Variants in ASTN2 observed in about 807,000 individuals in gnomAD.
ASTN2 encodes the protein astrotactin-2.
A neutral mutation model predicts 139.8 loss-of-function variants in ASTN2; 54 were observed. That is an observed-to-expected ratio of 0.39 (90% CI 0.31 to 0.48). ASTN2 has a LOEUF of 0.48. ASTN2 is among the 20% of genes least tolerant of loss of function. The pLI is 0.95. For synonymous variants in ASTN2, 756 were observed against 719.5 expected (o/e 1.05, Z -0.81); for missense variants, 1,565 against 1,725.1 (o/e 0.91, Z 1.64).
chr9:116,933,842 T>G (rs1834980771), intron 10 of ASTN2, among the ~76,000 whole-genome samples: 1 of 152,058 alleles, frequency 6.6e-6, no homozygotes, highest in South Asian at 2.1e-4. Flanking sequence ...TGGACTGCTC[T>G]GTCTTCTGGC....
At chr9:116,980,281 G>T (rs1260184331) in intron 7 of ASTN2, among the ~76,000 whole-genome samples, 1 of 151,914 alleles carries the variant, frequency 6.6e-6, no homozygotes, top group Non-Finnish European at 1.5e-5. Context: ...TGGTTGAGGT[G>T]ACAATTAGCT....
intron 19 of ASTN2, among the ~76,000 whole-genome samples, chr9:116,561,707 T>A (rs1239930932): frequency 6.6e-6 from 1 of 152,182 alleles, no homozygotes; most frequent in Admixed American, 6.5e-5. Context: ...CCTATGAGTA[T>A]CAAGCTGCAT....
intron 17 of ASTN2, among the ~76,000 whole-genome samples, chr9:116,646,659 T>C (rs1294600283): frequency 1.3e-5 from 2 of 152,168 alleles, no homozygotes; most frequent in African/African-American, 2.4e-5. Context: ...CATGACACTT[T>C]AAACAGGCCT....
At chr9:116,858,977 G>T (rs867486603) in intron 11 of ASTN2, among the ~76,000 whole-genome samples, 1 of 152,110 alleles carries the variant, frequency 6.6e-6, no homozygotes, top group South Asian at 2.1e-4. Context: ...TAAAATTTAG[G>T]TGTTGGCAGG....
In ASTN2 at chr9:116,442,459, C is replaced by T. The variant is rs142251161; in HGVS notation, c.3592G>A (p.Ala1198Thr). Residue 1198 changes from alanine to threonine, a missense_variant, in exon 21 of 23, where the codon GCA becomes ACA. Coordinates refer to ENST00000313400, the MANE Select transcript of ASTN2 (RefSeq NM_001365068.1). ...TACPLVDDNK[A>T]EEIADKIYNL... ...GAAAAACTGGGTTACCTACCTTCTG[C>T]CTTGTTGTCATCTACCAGTGGACAG... 61 of 1,613,908 alleles carry T rather than the reference C, an allele frequency of 3.8e-5. No individual in the cohort carries two copies. The highest frequency in any genetic ancestry group is 4.7e-5 in the Non-Finnish European group (56 of 1,179,974).
At chr9:116,616,877 TACAA>T (rs1252392658) in intron 19 of ASTN2, among the ~76,000 whole-genome samples, 2 of 151,958 alleles carry the variant, frequency 1.3e-5, no homozygotes, top group African/African-American at 4.8e-5. Context: ...TACAGATAAA[TACAA>T]ACACACAGAC....
rs1028236568 is a variant in ASTN2 at position 116,988,020 on chromosome 9, A to C, written c.1592-11235T>G. Among the ~76,000 whole-genome samples the C allele has an allele frequency of 3.3e-5, 5 of 152,214 alleles. No individual in the cohort carries two copies. The East Asian group carries it at 5.8e-4, about 18-fold the overall frequency. Reference sequence around the variant, plus strand: ...GAATGCAGCCCAATTTAAAAGTTATAAATTGTTTACTTCTGGTATTTTCCA... The same window carrying C: ...GAATGCAGCCCAATTTAAAAGTTATCAATTGTTTACTTCTGGTATTTTCCA... On this transcript the variant is annotated intron_variant, in intron 7 of 22. Coordinates refer to ENST00000313400, the MANE Select transcript of ASTN2 (RefSeq NM_001365068.1).
chr9:117,275,729 C>T (rs1587901913), intron 2 of ASTN2, among the ~76,000 whole-genome samples: 1 of 152,154 alleles, frequency 6.6e-6, no homozygotes, highest in East Asian at 1.9e-4. Flanking sequence ...CCATGCCTGG[C>T]TAATTTTTGT....
At chr9:116,952,199 C>A (rs188997802) in intron 10 of ASTN2, among the ~76,000 whole-genome samples, 5 of 152,190 alleles carry the variant, frequency 3.3e-5, no homozygotes, top group African/African-American at 9.6e-5. Context: ...ACCACCACCA[C>A]GACTTTATGA....
chr9:117,191,875 C>T (rs1831357767), intron 3 of ASTN2, among the ~76,000 whole-genome samples: 1 of 152,030 alleles, frequency 6.6e-6, no homozygotes, highest in Admixed American at 6.6e-5. Flanking sequence ...GCAAGGGTCC[C>T]CAGAGATAAA....
intron 17 of ASTN2, among the ~76,000 whole-genome samples, chr9:116,632,651 CTG>C (rs1229213700): frequency 6.6e-6 from 1 of 152,204 alleles, no homozygotes; most frequent in Non-Finnish European, 1.5e-5. Context: ...TTTTATGTCA[CTG>C]TATCTTTGTA....
chr9:116,946,936 C>CAA (rs3983292), intron 10 of ASTN2, among the ~76,000 whole-genome samples: 7,223 of 127,866 alleles, frequency 0.056, 323 homozygotes, highest in Middle Eastern at 0.076. Flanking sequence ...ACATTTTTGT[C>CAA]AAAAAAAAAA....
chr9:117,255,927 G>C (rs1281910045), intron 2 of ASTN2, among the ~76,000 whole-genome samples: 2 of 152,180 alleles, frequency 1.3e-5, no homozygotes, highest in Non-Finnish European at 2.9e-5. Flanking sequence ...ACTTATGGCA[G>C]GAAAACTTAC....
At chr9:116,977,358 T>C (rs1836370778) in intron 7 of ASTN2, among the ~76,000 whole-genome samples, 2 of 151,948 alleles carry the variant, frequency 1.3e-5, no homozygotes, top group Non-Finnish European at 2.9e-5. Flanking sequence ...TCCCCTTCCT[T>C]CTACTGCCAT....
intron 3 of ASTN2, among the ~76,000 whole-genome samples, chr9:117,167,482 A>G (rs929565583): frequency 2.6e-5 from 4 of 152,078 alleles, no homozygotes; most frequent in African/African-American, 7.2e-5. Flanking sequence ...ATGCCACACT[A>G]AGGAAATGAG....
chr9:116,942,743 T>G (rs974723142), intron 10 of ASTN2, among the ~76,000 whole-genome samples: 1 of 152,168 alleles, frequency 6.6e-6, no homozygotes, highest in Non-Finnish European at 1.5e-5. Context: ...CATTTCTAGA[T>G]GACTTTCAGA....
intron 1 of ASTN2, among the ~76,000 whole-genome samples, chr9:117,409,944 C>T (rs1453876025): frequency 6.6e-6 from 1 of 152,184 alleles, no homozygotes; most frequent in Non-Finnish European, 1.5e-5. Flanking sequence ...TCTTCCAGGC[C>T]ATCAGCTTCT....
chr9:116,695,055 A>G (rs140296854), intron 16 of ASTN2, among the ~76,000 whole-genome samples: 5 of 152,270 alleles, frequency 3.3e-5, no homozygotes, highest in African/African-American at 7.2e-5. Flanking sequence ...TGCGTATGCT[A>G]TAAGGCAGCA....
intron 2 of ASTN2, among the ~76,000 whole-genome samples, chr9:117,234,562 A>G (rs1405333107): frequency 1.3e-5 from 2 of 152,190 alleles, no homozygotes; most frequent in Non-Finnish European, 2.9e-5. Context: ...TGTTAGGATT[A>G]TCACTGCTTT....
Sources: gnomAD v4.1 joint callset for allele counts (sites outside exome capture counted in the v4.1 genomes callset) on GRCh38, gnomAD v4.1.1 for gene constraint, MANE v1.5 for transcripts, NCBI Gene and HGNC (gene_info 2026-07-23, HGNC 2026-07-21) for gene names.